TBC1D32: variants seen among roughly 807,000 people sequenced by gnomAD.
The protein encoded by TBC1D32 is TBC1 domain family member 32.
In TBC1D32, 151 loss-of-function variants were observed where a neutral mutation model predicts 170.3. The observed-to-expected ratio is 0.89, with a 90% CI of 0.78 to 1.01. TBC1D32 has a LOEUF of 1.01. TBC1D32 is among the 50% of genes least tolerant of loss of function. TBC1D32 has a pLI of 0.00. For synonymous variants in TBC1D32, 498 were observed against 488.0 expected (o/e 1.02, Z -0.27); for missense variants, 1,464 against 1,457.1 (o/e 1.00, Z -0.08).
At chr6:121,126,006 T>C (rs1487614313) in intron 26 of TBC1D32, among the ~76,000 whole-genome samples, 1 of 152,154 alleles carries the variant, frequency 6.6e-6, no homozygotes, top group Non-Finnish European at 1.5e-5. Context: ...ATAAAGCCTA[T>C]AGTAGATCTT....
Position 121,160,191 on chromosome 6 carries a change from C to G in TBC1D32, c.2680-88G>C. 3.4e-6 allele frequency: 3 copies of G among 888,514 alleles called. No homozygotes were observed. In the South Asian group the frequency reaches 5.2e-5, roughly 15 times the overall value. The allele number at this position is 888,514 out of a possible 1,614,324, so 55.0% of individuals were successfully genotyped here. A position where few individuals can be genotyped will look rare whatever the true frequency, so the allele number is the denominator to read the frequency against. ...CTATCTGAAATATTGTTAACTTAAA[C>G]TGGCTTTTCTTGCTCATAAATTCTG... On this transcript the variant is annotated intron_variant, in intron 23 of 31. Transcript: ENST00000398212.
chr6:121,279,031 C>G, intron 15 of TBC1D32, 90 bp downstream of exon 15: 1 of 1,421,924 alleles, frequency 7.0e-7, no homozygotes, highest in Non-Finnish European at 9.4e-7. Context: ...GTTACTCCAG[C>G]TTTTTTAGAT....
At chr6:121,304,028 A>G (rs1806931395) in intron 8 of TBC1D32, among the ~76,000 whole-genome samples, 1 of 151,888 alleles carries the variant, frequency 6.6e-6, no homozygotes, top group Non-Finnish European at 1.5e-5. Flanking sequence ...GAAAAAGTTT[A>G]AAGAATATTT....
chr6:121,117,003 C>T (rs1217917950), intron 26 of TBC1D32, among the ~76,000 whole-genome samples: 3 of 152,186 alleles, frequency 2.0e-5, no homozygotes, highest in South Asian at 2.1e-4. Context: ...TAAATAGACT[C>T]GACTCCAGAC....
At chr6:121,320,570 G>C (rs116191770) in intron 2 of TBC1D32, among the ~76,000 whole-genome samples, 184 of 152,158 alleles carry the variant, frequency 1.2e-3, no homozygotes, top group African/African-American at 4.3e-3. Context: ...AGGTGATTCT[G>C]TTTTTGGTTT....
Position 121,091,047 on chromosome 6 carries a change from A to C in TBC1D32, c.3466-6T>G. ...GTTATCCATTGCAGGCAAATCTTTA[A>C]AAAAAAAAAGTAGTAAGTTCATTAA... On this transcript the variant is annotated splice_polypyrimidine_tract_variant and splice_region_variant and intron_variant, in intron 30 of 31. Coordinates refer to ENST00000398212, the MANE Select transcript of TBC1D32 (RefSeq NM_152730.6). 6.4e-7 allele frequency: 1 copy of C among 1,567,246 alleles called. No homozygotes were observed.
At chr6:121,085,560 C>T (rs1776175747) in intron 31 of TBC1D32, among the ~76,000 whole-genome samples, 1 of 151,640 alleles carries the variant, frequency 6.6e-6, no homozygotes, top group Non-Finnish European at 1.5e-5. Context: ...CAACCAACTC[C>T]AAAGGTCACA....
chr6:121,122,888 T>C (rs78088617), intron 26 of TBC1D32, among the ~76,000 whole-genome samples: 3,751 of 152,050 alleles, frequency 0.025, 163 homozygotes, highest in East Asian at 0.13. Flanking sequence ...AGTATGATGC[T>C]TGAGAAAAGG....
At chr6:121,265,465 T>G (rs532475541) in intron 15 of TBC1D32, among the ~76,000 whole-genome samples, 1 of 152,032 alleles carries the variant, frequency 6.6e-6, no homozygotes, top group East Asian at 1.9e-4. Context: ...GAATCAACAT[T>G]GTGAAAATGG....
rs117432825 is a variant in TBC1D32 at position 121,117,001 on chromosome 6, C to T, written c.2984-1760G>A. Among the ~76,000 whole-genome samples the T allele has an allele frequency of 8.6e-3, 1,313 of 152,236 alleles. 9 individuals carry two copies. The highest frequency in any genetic ancestry group is 0.04 in the South Asian group (194 of 4,828). ...CTTTTTAAAACTAAAGATAAATAGA[C>T]TCGACTCCAGACTACTAAATAAGAT... On this transcript the variant is annotated intron_variant, in intron 26 of 31. Transcript: ENST00000398212.
intron 26 of TBC1D32, among the ~76,000 whole-genome samples, chr6:121,121,300 C>T (rs1746640938): frequency 6.6e-6 from 1 of 151,836 alleles, no homozygotes; most frequent in African/African-American, 2.4e-5. Context: ...ACAACAGGAG[C>T]AAAAATTTAG....
intron 15 of TBC1D32, among the ~76,000 whole-genome samples, chr6:121,270,832 T>G (rs775368464): frequency 6.6e-5 from 10 of 151,986 alleles, no homozygotes; most frequent in Non-Finnish European, 1.0e-4. Context: ...AGACCAATAT[T>G]CCTGATGAAC....
intron 26 of TBC1D32, among the ~76,000 whole-genome samples, chr6:121,117,895 C>G (rs1779852497): frequency 6.6e-6 from 1 of 151,990 alleles, no homozygotes; most frequent in Non-Finnish European, 1.5e-5. Context: ...AAACTCTGGA[C>G]TACATTAACT....
chr6:121,222,121 C>T (rs893536755), intron 21 of TBC1D32, among the ~76,000 whole-genome samples: 3 of 152,186 alleles, frequency 2.0e-5, no homozygotes, highest in African/African-American at 4.8e-5. Context: ...AAACAGAATA[C>T]AACTCACTGA....
At chr6:121,304,684 A>C (rs546621660) in intron 6 of TBC1D32, 59 bp from the exon 7 acceptor site, 2 of 1,535,088 alleles carry the variant, frequency 1.3e-6, no homozygotes, top group African/African-American at 2.8e-5. Flanking sequence ...TTCTGAAAAA[A>C]ATTATTTCCT....
At chr6:121,198,437 T>C (rs1371031703) in intron 22 of TBC1D32, among the ~76,000 whole-genome samples, 1 of 150,120 alleles carries the variant, frequency 6.7e-6, no homozygotes, top group Non-Finnish European at 1.5e-5. Context: ...GGGCTGGACA[T>C]ACAGATATAG....
chr6:121,170,160 TACAC>T (rs150401778), intron 22 of TBC1D32, among the ~76,000 whole-genome samples: 5 of 148,964 alleles, frequency 3.4e-5, no homozygotes, highest in South Asian at 2.1e-4. Flanking sequence ...ACCACACACA[TACAC>T]ACACACACAC....
intron 9 of TBC1D32, among the ~76,000 whole-genome samples, chr6:121,301,464 A>C (rs1806467803): frequency 6.6e-6 from 1 of 152,056 alleles, no homozygotes; most frequent in Non-Finnish European, 1.5e-5. Flanking sequence ...GCGTGTTCTC[A>C]CTCATAAGTG....
intron 1 of TBC1D32, among the ~76,000 whole-genome samples, chr6:121,329,158 C>T (rs1179258648): frequency 6.6e-6 from 1 of 152,154 alleles, no homozygotes; most frequent in African/African-American, 2.4e-5. Flanking sequence ...AAAGAACATT[C>T]ACTTTTTCCA....
Sources: allele counts gnomAD v4.1 joint callset (sites outside exome capture counted in the v4.1 genomes callset), GRCh38; gene constraint gnomAD v4.1.1; transcripts MANE v1.5; gene names NCBI Gene and HGNC (gene_info 2026-07-23, HGNC 2026-07-21).